PCDHGB5: variants seen among roughly 807,000 people sequenced by gnomAD.
PCDHGB5 encodes protocadherin gamma-B5.
In PCDHGB5, 48 loss-of-function variants were observed where a neutral mutation model predicts 62.9. The observed-to-expected ratio is 0.76, with a 90% CI of 0.61 to 0.97. The LOEUF (loss-of-function observed/expected upper bound fraction) is 0.97. PCDHGB5 is among the 50% of genes least tolerant of loss of function. The pLI is 0.00. For missense variants in PCDHGB5, 1,118 were observed against 1,198.6 expected (o/e 0.93, Z 0.99); for synonymous variants, 474 against 511.2 (o/e 0.93, Z 0.98).
In PCDHGB5 at chr5:141,417,855, G is replaced by T. The variant is rs1436078486; in HGVS notation, c.2397+17331G>T. The T allele has an allele frequency of 2.6e-6, 4 of 1,544,916 alleles. No individual in the cohort carries two copies. In the Admixed American group the frequency reaches 8.0e-5, roughly 31 times the overall value. ...GCGGGGACCCAGCGAGAACCCGAGC[G>T]AACGATGGGAGGGAGCTGCGCGCAG... On this transcript the variant is annotated intron_variant, in intron 1 of 3. Transcript: ENST00000617380.
chr5:141,408,918 C>G, intron 1 of PCDHGB5: 1 of 1,613,408 alleles, frequency 6.2e-7, no homozygotes, highest in Non-Finnish European at 8.5e-7. Flanking sequence ...AATGATAACC[C>G]CCCGGTTTTC....
In PCDHGB5 at chr5:141,431,616, A is replaced by G. The variant is rs776151297; in HGVS notation, c.2397+31092A>G. 1 of 1,614,250 alleles carries G rather than the reference A, an allele frequency of 6.2e-7. No individual in the cohort carries two copies. Among genetic ancestry groups the G allele is most frequent in the Non-Finnish European group, 8.5e-7 (1 of 1,180,042 alleles). ...AGGTATTCCTTCCGGTATGTGGACG[A>G]CAAGGCGGCCCAAGTTTTCAAACTA... On this transcript the variant is annotated intron_variant, in intron 1 of 3. Transcript: ENST00000617380. This position sits in a 1 kb window ranked among gnomAD's most constrained non-coding sequence, Gnocchi z 4.8.
intron 1 of PCDHGB5, chr5:141,408,732 AT>A (rs1172232848): frequency 6.2e-7 from 1 of 1,610,014 alleles, no homozygotes; most frequent in Non-Finnish European, 8.5e-7. Context: ...TCTAATCCTT[AT>A]TTTTCATTAA....
intron 1 of PCDHGB5, chr5:141,419,197 T>C (rs560134083): frequency 1.2e-6 from 2 of 1,613,966 alleles, no homozygotes; most frequent in South Asian, 1.1e-5. Flanking sequence ...CTGACGTCAA[T>C]GACAACGCGC....
At chr5:141,404,443 A>G in intron 1 of PCDHGB5, 1 of 1,613,468 alleles carries the variant, frequency 6.2e-7, no homozygotes, top group East Asian at 2.2e-5. Flanking sequence ...ATACCATCCA[A>G]GGGTCTCCTC....
intron 1 of PCDHGB5, among the ~76,000 whole-genome samples, chr5:141,449,974 A>T (rs2098661108): frequency 6.6e-6 from 1 of 151,260 alleles, no homozygotes; most frequent in African/African-American, 2.4e-5. Context: ...TTTAGTCCAA[A>T]ATATCACACA....
At position 141,487,215 on chromosome 5, in the gene PCDHGB5, C is replaced by G. The variant is rs1248989099; in HGVS notation, c.2398-7592C>G. 4 of 1,613,850 alleles carry G rather than the reference C, an allele frequency of 2.5e-6. No homozygotes were observed. Among genetic ancestry groups the G allele is most frequent in the East Asian group, 4.5e-5 (2 of 44,882 alleles). The stretch of plus-strand genomic sequence containing the variant: ...GTCCCAGATCTTCGAGAATCTTCAG[C>G]TCCAAGGGAAGGAGAATCTCGTCTA... On this transcript the variant is annotated intron_variant, in intron 1 of 3. Coordinates refer to ENST00000617380, the MANE Select transcript of PCDHGB5 (RefSeq NM_018925.3). This position sits in a 1 kb window ranked among gnomAD's most constrained non-coding sequence, Gnocchi z 5.0.
rs1003050993 is a variant in PCDHGB5, at chr5:141,477,637, T to A, written c.2398-17170T>A. ...AAGGAGCTGAAACCGGGCTAGTGGG[T>A]CGCTATTTCACAATAAATCGTGACA... On this transcript the variant is annotated intron_variant, in intron 1 of 3. Transcript: ENST00000617380. This position sits in a 1 kb window ranked among gnomAD's most constrained non-coding sequence, Gnocchi z 4.9. 6.2e-7 allele frequency: 1 copy of A among 1,614,154 alleles called. No individual in the cohort carries two copies. Among genetic ancestry groups the A allele is most frequent in the African/African-American group, 1.3e-5 (1 of 75,040 alleles).
chr5:141,473,377 C>T (rs2099320819), intron 1 of PCDHGB5, among the ~76,000 whole-genome samples: 1 of 152,202 alleles, frequency 6.6e-6, no homozygotes, highest in Admixed American at 6.5e-5. Flanking sequence ...TAGCATGGTC[C>T]CTGCCCTCCT....
intron 1 of PCDHGB5, chr5:141,478,480 G>C (rs1444434721): frequency 1.9e-6 from 3 of 1,613,564 alleles, no homozygotes; most frequent in South Asian, 2.2e-5. Flanking sequence ...GCCAGAACAC[G>C]CTGCGGAGCT....
At position 141,490,982 on chromosome 5, in the gene PCDHGB5, G is replaced by T; in HGVS notation, c.2398-3825G>T. ...CACTCAGCCCCCCAGCGTCTCCCTC[G>T]CTCTGCTCCTCCTGGCTCCTTGGTC... On this transcript the variant is annotated intron_variant, in intron 1 of 3. Coordinates refer to ENST00000617380, the MANE Select transcript of PCDHGB5 (RefSeq NM_018925.3). This position sits in a 1 kb window ranked among gnomAD's most constrained non-coding sequence, Gnocchi z 5.4. 1.2e-6 allele frequency: 2 copies of T among 1,613,994 alleles called. No individual in the cohort carries two copies. The highest frequency in any genetic ancestry group is 1.7e-6 in the Non-Finnish European group (2 of 1,180,002).
At chr5:141,470,112 G>T (rs1186184232) in intron 1 of PCDHGB5, among the ~76,000 whole-genome samples, 1 of 152,104 alleles carries the variant, frequency 6.6e-6, no homozygotes, top group Non-Finnish European at 1.5e-5. Flanking sequence ...CTGAGCAACA[G>T]AGCAAGACTT....
intron 1 of PCDHGB5, chr5:141,422,846 A>T: frequency 2.5e-6 from 4 of 1,614,102 alleles, no homozygotes; most frequent in Non-Finnish European, 3.4e-6. Flanking sequence ...GACAGCGGGG[A>T]CCCGCCCCTC....
chr5:141,475,852 G>A, intron 1 of PCDHGB5: 1 of 467,402 alleles, frequency 2.1e-6, no homozygotes, highest in East Asian at 3.7e-5. Context: ...AGAGCCCGGC[G>A]CTAGCTCATT....
intron 1 of PCDHGB5, among the ~76,000 whole-genome samples, chr5:141,449,921 C>T (rs2098659300): frequency 6.6e-6 from 1 of 151,648 alleles, no homozygotes; most frequent in African/African-American, 2.4e-5. Flanking sequence ...TTAAATTCTA[C>T]CATACCTTAT....
chr5:141,413,517 G>A (rs1561743187), intron 1 of PCDHGB5: 1 of 1,613,946 alleles, frequency 6.2e-7, no homozygotes. Flanking sequence ...ATATCCTTGT[G>A]GAAGACAGGG....
chr5:141,475,542 G>A (rs1182059354), intron 1 of PCDHGB5, among the ~76,000 whole-genome samples: 1 of 152,174 alleles, frequency 6.6e-6, no homozygotes, highest in East Asian at 1.9e-4. Flanking sequence ...TTACAAGTAG[G>A]GTCCGGCTAA....
chr5:141,501,302 C>T (rs886901737), intron 2 of PCDHGB5, among the ~76,000 whole-genome samples: 14 of 151,156 alleles, frequency 9.3e-5, no homozygotes, highest in African/African-American at 2.9e-4. Flanking sequence ...CACACACACA[C>T]ACACACACAC....
intron 1 of PCDHGB5, chr5:141,414,886 C>T (rs374779316): frequency 1.4e-5 from 22 of 1,614,120 alleles, no homozygotes; most frequent in African/African-American, 2.7e-5. Context: ...GTACCCCGCC[C>T]TCCCCACAGA....
Sources: allele counts gnomAD v4.1 joint callset (sites outside exome capture counted in the v4.1 genomes callset), GRCh38; gene constraint gnomAD v4.1.1; non-coding constraint Gnocchi (gnomAD v3.1); transcripts MANE v1.5; gene names NCBI Gene and HGNC (gene_info 2026-07-23, HGNC 2026-07-21).